TRMT9B: variants seen among roughly 807,000 people sequenced by gnomAD.
TRMT9B encodes the protein probable tRNA methyltransferase 9B.
TRMT9B carries 16 observed loss-of-function variants against 11.5 expected under a neutral mutation model. That is an observed-to-expected ratio of 1.39 (90% confidence interval 0.94 to 2.11). TRMT9B has a LOEUF of 2.11. Among genes scored for constraint, TRMT9B ranks in the 30% most tolerant of loss-of-function variants. The pLI is 0.00. For synonymous variants in TRMT9B, 274 were observed against 192.4 expected, an observed-to-expected ratio of 1.42 and a Z score of -3.51; for missense variants, 941 against 553.8, an observed-to-expected ratio of 1.70 and a Z score of -7.02.
In TRMT9B at chr8:12,990,931, T is replaced by C. The variant is rs778038980; in HGVS notation, c.-102T>C. The C allele has an allele frequency of 2.3e-6, 3 of 1,289,208 alleles. No homozygotes were observed. The highest frequency in any genetic ancestry group is 3.0e-6 in the Non-Finnish European group (3 of 988,446). 79.9% of individuals were successfully genotyped at this position (1,289,208 alleles called of 1,614,324 possible). ...TACAAGTTTTCATTTACGTTACACA[T>C]TGAGAAAGTTATGAGAAGCAACTGT... On this transcript the variant is annotated 5_prime_UTR_variant, in exon 2 of 5. Transcript: ENST00000524591.
At chr8:12,952,372 C>T (rs1008616309) in intron 1 of TRMT9B, 1 of 304,696 alleles carries the variant, frequency 3.3e-6, no homozygotes, top group Non-Finnish European at 6.7e-6. Flanking sequence ...AGTTCCTGCT[C>T]GTCCCCTGCC....
intron 1 of TRMT9B, among the ~76,000 whole-genome samples, chr8:12,948,045 A>T (rs1053471091): frequency 6.6e-6 from 1 of 152,212 alleles, no homozygotes; most frequent in African/African-American, 2.4e-5. Context: ...ATTATATAGT[A>T]CTGTTGCTCC....
chr8:12,996,560 TG>T (rs1466074889), intron 2 of TRMT9B, among the ~76,000 whole-genome samples: 1 of 152,204 alleles, frequency 6.6e-6, no homozygotes, highest in African/African-American at 2.4e-5. Flanking sequence ...AATTTCTAGC[TG>T]CCCAGAAGGC....
At chr8:12,959,516 C>CTCT (rs757156112) in intron 1 of TRMT9B, among the ~76,000 whole-genome samples, 27 of 74,926 alleles carry the variant, frequency 3.6e-4, no homozygotes, top group African/African-American at 1.4e-3. Context: ...TTTTTCCTTC[C>CTCT]TTTTTTTTTT....
At chr8:13,016,108 T>C (rs1318140093) in intron 4 of TRMT9B, among the ~76,000 whole-genome samples, 1 of 145,390 alleles carries the variant, frequency 6.9e-6, no homozygotes, top group Non-Finnish European at 1.5e-5. Flanking sequence ...ATATATATGA[T>C]ATATATATAT....
intron 1 of TRMT9B, among the ~76,000 whole-genome samples, chr8:12,954,115 G>A (rs893568846): frequency 1.3e-5 from 2 of 152,150 alleles, no homozygotes; most frequent in African/African-American, 4.8e-5. Flanking sequence ...CTGTGTGAAT[G>A]GTTAACTCTA....
chr8:13,009,801 A>G (rs1811246939), intron 3 of TRMT9B, among the ~76,000 whole-genome samples: 1 of 152,180 alleles, frequency 6.6e-6, no homozygotes, highest in Non-Finnish European at 1.5e-5. Context: ...AACATTTAAT[A>G]CATGTTGTTT....
chr8:12,997,027 T>C (rs1808482806), intron 2 of TRMT9B, among the ~76,000 whole-genome samples: 2 of 151,366 alleles, frequency 1.3e-5, no homozygotes, highest in Non-Finnish European at 2.9e-5. Flanking sequence ...CTTTGATCTA[T>C]CTATGGGCTC....
intron 4 of TRMT9B, among the ~76,000 whole-genome samples, chr8:13,017,292 C>T (rs188060302): frequency 6.6e-6 from 1 of 152,274 alleles, no homozygotes; most frequent in East Asian, 1.9e-4. Context: ...TGTAACAAGA[C>T]ATTCAAGGAG....
At chr8:13,012,073 T>C (rs1811710739) in intron 3 of TRMT9B, 3 of 985,434 alleles carry the variant, frequency 3.0e-6, no homozygotes, top group Non-Finnish European at 3.6e-6. Flanking sequence ...GAACTATCTT[T>C]CTTGCCTTGG....
At chr8:12,946,176 C>A (rs754238) in intron 1 of TRMT9B, among the ~76,000 whole-genome samples, 4 of 151,908 alleles carry the variant, frequency 2.6e-5, no homozygotes, top group Non-Finnish European at 5.9e-5. Context: ...ATGTAAGAAG[C>A]ATCTAGATCA....
chr8:13,025,019 T>C lies in TRMT9B; in HGVS notation c.*2975T>C, dbSNP rs936296931. 2 of 167,076 alleles carry C rather than the reference T, an allele frequency of 1.2e-5. No individual in the cohort carries two copies. Among genetic ancestry groups the C allele is most frequent in the Non-Finnish European group, 2.9e-5 (2 of 68,118 alleles). The allele number at this position is 167,076 out of a possible 1,614,324, so 10.3% of individuals were successfully genotyped here. ...CATCAGTGAGTATAAACGTAGACAG[T>C]TGATTTGTGAATGCTGTCGGCCTCA... On this transcript the variant is annotated 3_prime_UTR_variant, in exon 5 of 5. Transcript: ENST00000524591.
chr8:13,029,735 G>C lies in TRMT9B; in HGVS notation c.*7691G>C, dbSNP rs1297151925. 2.6e-5 allele frequency: 4 copies of C among 152,740 alleles called. No individual in the cohort carries two copies. Among genetic ancestry groups the C allele is most frequent in the Admixed American group, 1.3e-4 (2 of 15,278 alleles). 9.5% of individuals were successfully genotyped at this position (152,740 alleles called of 1,614,324 possible). On this transcript the variant is annotated 3_prime_UTR_variant, in exon 5 of 5. Transcript: ENST00000524591. ...TTAAAAGAATGTTATTGACCAAAAA[G>C]ACATATTTTGAGATTAATAAAGATG...
At chr8:12,961,347 A>G (rs1266981789) in intron 1 of TRMT9B, among the ~76,000 whole-genome samples, 1 of 152,144 alleles carries the variant, frequency 6.6e-6, no homozygotes, top group Non-Finnish European at 1.5e-5. Context: ...AATTTAAAAA[A>G]ATCATATTTT....
At chr8:12,983,820 T>C (rs1477393367) in intron 1 of TRMT9B, among the ~76,000 whole-genome samples, 2 of 152,182 alleles carry the variant, frequency 1.3e-5, no homozygotes, top group African/African-American at 4.8e-5. Context: ...AACATAGCAT[T>C]GCAGATGGAG....
At chr8:12,993,657 C>T (rs925003065) in intron 2 of TRMT9B, among the ~76,000 whole-genome samples, 2 of 152,190 alleles carry the variant, frequency 1.3e-5, no homozygotes, top group Non-Finnish European at 2.9e-5. Context: ...GGCTGGCATT[C>T]CAATAGCACA....
intron 1 of TRMT9B, among the ~76,000 whole-genome samples, chr8:12,946,502 A>C (rs558684381): frequency 1.3e-5 from 2 of 152,306 alleles, no homozygotes; most frequent in African/African-American, 4.8e-5. Flanking sequence ...AAGAAAGAAA[A>C]GGGCAGCTGC....
intron 3 of TRMT9B, chr8:13,006,613 C>A (rs1323793423): frequency 1.3e-5 from 18 of 1,383,990 alleles, no homozygotes; most frequent in Non-Finnish European, 1.6e-5. Flanking sequence ...CATTTTACAG[C>A]AGAAACTCGA....
At chr8:13,009,678 C>G (rs1811221344) in intron 3 of TRMT9B, among the ~76,000 whole-genome samples, 1 of 152,116 alleles carries the variant, frequency 6.6e-6, no homozygotes, top group Non-Finnish European at 1.5e-5. Flanking sequence ...AATTATACAC[C>G]TAGGTTTTGT....
Sources: gnomAD v4.1 joint callset for allele counts (sites outside exome capture counted in the v4.1 genomes callset) on GRCh38, gnomAD v4.1.1 for gene constraint, MANE v1.5 for transcripts, NCBI Gene and HGNC (gene_info 2026-07-23, HGNC 2026-07-21) for gene names.